Variants in PCGF3 observed in about 807,000 individuals in gnomAD.
The protein encoded by PCGF3 is polycomb group ring finger 3.
In PCGF3, 7 loss-of-function variants were observed where a neutral mutation model predicts 33.1. The observed-to-expected ratio is 0.21, with a 90% CI of 0.12 to 0.40. The LOEUF (loss-of-function observed/expected upper bound fraction) is 0.40. Among genes scored for constraint, PCGF3 ranks in the 10% least tolerant of loss-of-function variants. The pLI is 1.00. For missense variants in PCGF3, 211 were observed against 313.3 expected (o/e 0.67, Z 2.46); for synonymous variants, 153 against 121.3 (o/e 1.26, Z -1.72).
chr4:769,307 A>AGGG (rs1298671258), exon 11 of PCGF3: 1 of 152,724 alleles, frequency 6.5e-6, no homozygotes, highest in East Asian at 1.9e-4. Flanking sequence ...AGCGATTCAA[A>AGGG]GGGTGGCATT....
intron 3 of PCGF3, 36 bp from the exon 4 acceptor site, chr4:733,636 G>C: frequency 1.3e-6 from 2 of 1,576,210 alleles, no homozygotes; most frequent in Non-Finnish European, 1.7e-6. Flanking sequence ...GCATGGAAGA[G>C]TTTCAGGTGT....
chr4:744,617 G>T (rs1456214840), exon 8 of PCGF3: 11 of 1,558,908 alleles, frequency 7.1e-6, no homozygotes, highest in South Asian at 1.2e-5. Flanking sequence ...CAAAGCAGAC[G>T]ACAGTTCAAA....
intron 1 of PCGF3, among the ~76,000 whole-genome samples, chr4:713,698 A>G (rs894697656): frequency 6.6e-6 from 1 of 152,186 alleles, no homozygotes; most frequent in Non-Finnish European, 1.5e-5. Flanking sequence ...AGTAACCGGA[A>G]GCTGATCCTC....
At chr4:754,353 T>C (rs865849446) in intron 8 of PCGF3, among the ~76,000 whole-genome samples, 2 of 152,206 alleles carry the variant, frequency 1.3e-5, no homozygotes, top group Non-Finnish European at 2.9e-5. Context: ...TCTTGGGACT[T>C]CACACCCGAG....
chr4:743,681 C>T (rs1296587620), intron 7 of PCGF3, 97 bp downstream of exon 7: 3 of 713,438 alleles, frequency 4.2e-6, no homozygotes, highest in Non-Finnish European at 7.4e-6. Context: ...CTCCCACACG[C>T]ACTCACGGGA....
chr4:721,259 C>T lies in PCGF3; in HGVS notation c.-189-9371C>T, dbSNP rs1743064381. 6.6e-6 allele frequency among the ~76,000 whole-genome samples: 1 copy of T among 152,200 alleles called. No individual in the cohort carries two copies. The highest frequency in any genetic ancestry group is 2.1e-4 in the South Asian group (1 of 4,834). On this transcript the variant is annotated intron_variant, in intron 1 of 10. Coordinates refer to ENST00000362003, the Ensembl canonical transcript of PCGF3. The surrounding 1 kb of genome is among the most constrained non-coding windows in gnomAD (Gnocchi z 4.1). ...ACAGGACACGCCTGCAGCTTTGTGC[C>T]TGTGAATCTCAGGAGCTGTTTTCTG... is the stretch of plus-strand genomic sequence containing the variant.
chr4:752,273 C>T (rs965363310), intron 8 of PCGF3, among the ~76,000 whole-genome samples: 1 of 152,258 alleles, frequency 6.6e-6, no homozygotes, highest in Non-Finnish European at 1.5e-5. Context: ...CTGCATCTGC[C>T]ACCTTCTCTG....
chr4:765,888 G>C (rs1225893396), intron 10 of PCGF3, 144 bp from the exon 11 acceptor site: 1 of 704,060 alleles, frequency 1.4e-6, no homozygotes, highest in Non-Finnish European at 2.5e-6. Flanking sequence ...CCCTTCTGTT[G>C]CTCAGAACAG....
At chr4:731,377 T>G in intron 3 of PCGF3, 1 of 393,222 alleles carries the variant, frequency 2.5e-6, no homozygotes, top group Non-Finnish European at 4.5e-6. Flanking sequence ...GGCGTGTCGC[T>G]GAGGAGCAGT....
rs775264150 is a variant in PCGF3, at chr4:761,453, CCT to C, written c.600+42_600+43del. Reference sequence around the variant, plus strand: ...TCCCTAAGTAGAAACCATAACAAGTCCTCTCTTATTTCTAAAGGTAACTCCAA... The same window carrying C: ...TCCCTAAGTAGAAACCATAACAAGTCCTCTTATTTCTAAAGGTAACTCCAA... On this transcript the variant is annotated intron_variant, in intron 9 of 10. Coordinates refer to ENST00000362003, the Ensembl canonical transcript of PCGF3. 5 of 1,531,734 alleles carry C rather than the reference CCT, an allele frequency of 3.3e-6. No individual in the cohort carries two copies. The African/African-American group carries it at 4.2e-5, about 13-fold the overall frequency. 94.9% of individuals were successfully genotyped at this position (1,531,734 alleles called of 1,614,324 possible).
intron 4 of PCGF3, chr4:734,160 G>C: frequency 2.0e-6 from 3 of 1,506,312 alleles, no homozygotes; most frequent in South Asian, 2.4e-5. Flanking sequence ...CTTCACACCT[G>C]ATGTGCGTCC....
At chr4:763,543 C>T (rs1745188239) in intron 9 of PCGF3, among the ~76,000 whole-genome samples, 1 of 152,210 alleles carries the variant, frequency 6.6e-6, no homozygotes, top group African/African-American at 2.4e-5. Context: ...ACGCGTACCC[C>T]ATAGAAGGGC....
intron 10 of PCGF3, 33 bp from the exon 11 acceptor site, chr4:765,999 T>C: frequency 6.2e-7 from 1 of 1,610,290 alleles, no homozygotes; most frequent in Non-Finnish European, 8.5e-7. Flanking sequence ...CCACCCCTGC[T>C]AAGCAGGCAC....
intron 8 of PCGF3, among the ~76,000 whole-genome samples, chr4:755,370 G>T (rs185995388): frequency 1.3e-5 from 2 of 152,084 alleles, no homozygotes; most frequent in African/African-American, 4.8e-5. Context: ...GCTCCTCTGC[G>T]TGTGAGTTGC....
chr4:755,625 C>T, intron 8 of PCGF3, among the ~76,000 whole-genome samples: 1 of 152,162 alleles, frequency 6.6e-6, no homozygotes, highest in East Asian at 1.9e-4. Flanking sequence ...CATTCTCTTA[C>T]ATTGTCTTGT....
chr4:722,460 G>A (rs1331654323), intron 1 of PCGF3: 3 of 279,062 alleles, frequency 1.1e-5, no homozygotes, highest in African/African-American at 4.8e-5. Context: ...GAAGGCATAT[G>A]TCACACTGAG....
chr4:715,930 T>A (rs1231519329), intron 1 of PCGF3, among the ~76,000 whole-genome samples: 2 of 113,026 alleles, frequency 1.8e-5, no homozygotes, highest in African/African-American at 6.3e-5. Flanking sequence ...TGGGACCCTG[T>A]AGACACTGAG....
At position 754,320 on chromosome 4, in the gene PCGF3, G is replaced by A. The variant is rs376068924; in HGVS notation, c.463-6959G>A. On this transcript the variant is annotated intron_variant, in intron 8 of 10. Transcript: ENST00000362003. ...CTCCCTGGCCCACTGGCTCCTGTCC[G>A]CACCCTCGGGCACGCGCTGTGCTCT... Among the ~76,000 whole-genome samples, 276 of 152,308 alleles carry A rather than the reference G, an allele frequency of 1.8e-3. 2 individuals carry two copies. Among genetic ancestry groups the A allele is most frequent in the African/African-American group, 6.1e-3 (255 of 41,556 alleles).
intron 3 of PCGF3, among the ~76,000 whole-genome samples, chr4:732,234 G>T (rs187042108): frequency 0.017 from 2,419 of 146,328 alleles, 66 homozygotes; most frequent in South Asian, 0.05. Context: ...AGGGGCGTAG[G>T]GTGGGGCTCC....
Sources: allele counts gnomAD v4.1 joint callset (sites outside exome capture counted in the v4.1 genomes callset), GRCh38; gene constraint gnomAD v4.1.1; non-coding constraint Gnocchi (gnomAD v3.1); transcripts MANE v1.5; gene names NCBI Gene and HGNC (gene_info 2026-07-23, HGNC 2026-07-21).